The following CDH4 variants were observed in gnomAD, a reference collection of about 807,000 sequenced individuals.
CDH4 encodes cadherin 4, also known as cadherin-4.
Under a neutral mutation model 86.0 loss-of-function variants are expected in CDH4, and 33 were observed. The observed-to-expected ratio is 0.38, with a 90% confidence interval of 0.29 to 0.51. The LOEUF is 0.51. Ranked by LOEUF, CDH4 falls within the 20% of genes least tolerant of loss-of-function variation. The probability of loss-of-function intolerance (pLI) is 0.86; values close to 1 mark genes in which losing one functional copy is unlikely to be tolerated. For synonymous variants in CDH4, 555 were observed against 549.4 expected, an observed-to-expected ratio of 1.01 and a Z score of -0.14; for missense variants, 1,114 against 1,307.4, an observed-to-expected ratio of 0.85 and a Z score of 2.28.
At chr20:61,588,502 TTCCAGACACG>T (rs2086494826) in intron 2 of CDH4, among the ~76,000 whole-genome samples, 1 of 152,292 alleles carries the variant, frequency 6.6e-6, no homozygotes, top group East Asian at 1.9e-4. Flanking sequence ...GAGTGACCAG[TTCCAGACACG>T]AGTAGCCGTG....
intron 2 of CDH4, among the ~76,000 whole-genome samples, chr20:61,294,805 A>G (rs1026015235): frequency 4.6e-5 from 7 of 152,232 alleles, no homozygotes; most frequent in Non-Finnish European, 1.0e-4. Flanking sequence ...GACAGGCACC[A>G]GGCTGGACCA....
chr20:61,636,663 A>C (rs2086949853), intron 2 of CDH4, among the ~76,000 whole-genome samples: 1 of 152,166 alleles, frequency 6.6e-6, no homozygotes, highest in Non-Finnish European at 1.5e-5. Flanking sequence ...GGCAGGAGAC[A>C]AGGCTGCCCG....
chr20:61,874,842 G>A (rs556029133), intron 7 of CDH4, among the ~76,000 whole-genome samples: 3 of 152,356 alleles, frequency 2.0e-5, no homozygotes, highest in South Asian at 4.1e-4. Flanking sequence ...GAGCCACCTC[G>A]CTGGGCTCAC....
intron 9 of CDH4, among the ~76,000 whole-genome samples, chr20:61,917,950 G>A (rs545666875): frequency 2.6e-5 from 4 of 152,312 alleles, no homozygotes; most frequent in East Asian, 3.9e-4. Flanking sequence ...CCATGTCCCC[G>A]GGAACATGAG....
At chr20:61,298,264 T>G (rs1206355199) in intron 2 of CDH4, among the ~76,000 whole-genome samples, 1 of 152,164 alleles carries the variant, frequency 6.6e-6, no homozygotes, top group African/African-American at 2.4e-5. Context: ...CCACCAGCTC[T>G]GCATCATCAG....
intron 2 of CDH4, among the ~76,000 whole-genome samples, chr20:61,573,567 C>T (rs977538137): frequency 6.6e-6 from 1 of 152,162 alleles, no homozygotes; most frequent in African/African-American, 2.4e-5. Flanking sequence ...TCGTGTCCCA[C>T]AGTCCTGACC....
intron 2 of CDH4, among the ~76,000 whole-genome samples, chr20:61,323,405 T>C (rs2084519709): frequency 6.6e-6 from 1 of 152,198 alleles, no homozygotes. Context: ...CAGGCATTCA[T>C]GGCTCACGTG....
At chr20:61,741,471 G>C (rs886913229) in intron 2 of CDH4, among the ~76,000 whole-genome samples, 1 of 151,748 alleles carries the variant, frequency 6.6e-6, no homozygotes, top group African/African-American at 2.4e-5. Context: ...GCTTGCCTAA[G>C]ATGTCACCAA....
At chr20:61,331,654 G>GGCCCACCTCCTGCCCCGA in intron 2 of CDH4, among the ~76,000 whole-genome samples, 1 of 2,878 alleles carries the variant, frequency 3.5e-4, no homozygotes, top group Admixed American at 4.1e-3. Flanking sequence ...TCCCGCCCCA[G>GGCCCACCTCCTGCCCCGA]CCACCTGCCC....
chr20:61,556,317 CAG>C (rs2086177170), intron 2 of CDH4, among the ~76,000 whole-genome samples: 1 of 152,164 alleles, frequency 6.6e-6, no homozygotes, highest in African/African-American at 2.4e-5. Flanking sequence ...GAGAATCTCT[CAG>C]GCCTTTTATG....
intron 2 of CDH4, among the ~76,000 whole-genome samples, chr20:61,675,145 T>A (rs2087432409): frequency 6.6e-6 from 1 of 152,206 alleles, no homozygotes; most frequent in Non-Finnish European, 1.5e-5. Context: ...TTGGCAGAAA[T>A]CCCTGCAGCT....
rs2084321503 is a variant in CDH4, at chr20:61,291,647, GCGGGCACC to G, written c.169+36713_169+36720del. 2.6e-5 allele frequency among the ~76,000 whole-genome samples: 4 copies of G among 151,490 alleles called. No homozygotes were observed. In the South Asian group the frequency reaches 8.4e-4, roughly 32 times the overall value. On this transcript the variant is annotated intron_variant, in intron 2 of 15. Coordinates refer to ENST00000614565, the MANE Select transcript of CDH4 (RefSeq NM_001794.5). ...GGCAGTGTGCCACAAGGCCAAACATGCGGGCACCCGCGCCAGGCCACCAGGTTACCGGG... is the reference window on the plus strand; with the variant it reads ...GGCAGTGTGCCACAAGGCCAAACATGCGCGCCAGGCCACCAGGTTACCGGG...
At chr20:61,923,279 T>A (rs984223470) in intron 9 of CDH4, among the ~76,000 whole-genome samples, 172 bp from the exon 10 acceptor site, 10 of 152,178 alleles carry the variant, frequency 6.6e-5, no homozygotes, top group Non-Finnish European at 1.3e-4. Flanking sequence ...AGCCAGAAGA[T>A]AAGGGTGCCT....
intron 2 of CDH4, among the ~76,000 whole-genome samples, chr20:61,431,359 G>GGT (rs1568841938): frequency 3.8e-5 from 5 of 129,982 alleles, no homozygotes; most frequent in African/African-American, 1.2e-4. Flanking sequence ...TTTTTTGTTG[G>GGT]TTTTTTTTTT....
intron 2 of CDH4, among the ~76,000 whole-genome samples, chr20:61,318,796 G>C (rs1198730085): frequency 6.6e-6 from 1 of 152,252 alleles, no homozygotes; most frequent in Non-Finnish European, 1.5e-5. Flanking sequence ...CACTGATTGA[G>C]TTGAAGTGGT....
At chr20:61,773,265 G>A (rs2088799643) in intron 4 of CDH4, 83 bp downstream of exon 4, 3 of 1,352,892 alleles carry the variant, frequency 2.2e-6, no homozygotes, top group South Asian at 3.1e-5. Context: ...GCCAGGGGCG[G>A]GTTCCGCGTT....
chr20:61,544,452 C>T lies in CDH4; in HGVS notation c.170-199111C>T, dbSNP rs114694648. Among the ~76,000 whole-genome samples, 81 of 151,934 alleles carry T rather than the reference C, an allele frequency of 5.3e-4. 1 individual carries two copies. Among genetic ancestry groups the T allele is most frequent in the African/African-American group, 1.6e-3 (67 of 41,432 alleles). Reference sequence around the variant, plus strand: ...CTTCGTAGCTGTTCTGTGGTGGGAGCGCAGTGGGAGCCGCAGGGCATCGGG... The same window carrying T: ...CTTCGTAGCTGTTCTGTGGTGGGAGTGCAGTGGGAGCCGCAGGGCATCGGG... On this transcript the variant is annotated intron_variant, in intron 2 of 15. Transcript: ENST00000614565. The surrounding 1 kb of genome is among the most constrained non-coding windows in gnomAD (Gnocchi z 6.5).
chr20:61,516,168 G>A lies in CDH4; in HGVS notation c.170-227395G>A, dbSNP rs1054156629. 3.9e-5 allele frequency among the ~76,000 whole-genome samples: 6 copies of A among 152,174 alleles called. No homozygotes were observed. Among genetic ancestry groups the A allele is most frequent in the Non-Finnish European group, 5.9e-5 (4 of 68,028 alleles). ...CAGCCAGGCCCTTGGGCCGTGGGCCGGAGGGGACGCTGGCCACCTCTCTTA... is the reference window on the plus strand; with the variant it reads ...CAGCCAGGCCCTTGGGCCGTGGGCCAGAGGGGACGCTGGCCACCTCTCTTA... On this transcript the variant is annotated intron_variant, in intron 2 of 15. Coordinates refer to ENST00000614565, the MANE Select transcript of CDH4 (RefSeq NM_001794.5). This position sits in a 1 kb window ranked among gnomAD's most constrained non-coding sequence, Gnocchi z 4.0.
At chr20:61,620,044 C>G (rs886895252) in intron 2 of CDH4, among the ~76,000 whole-genome samples, 5 of 152,080 alleles carry the variant, frequency 3.3e-5, no homozygotes, top group Non-Finnish European at 5.9e-5. Context: ...GCAGGGATCA[C>G]AGCTGCTTGC....
Sources: allele counts gnomAD v4.1 joint callset (sites outside exome capture counted in the v4.1 genomes callset), GRCh38; gene constraint gnomAD v4.1.1; non-coding constraint Gnocchi (gnomAD v3.1); transcripts MANE v1.5; gene names NCBI Gene and HGNC (gene_info 2026-07-23, HGNC 2026-07-21).